Variants in CFAP54 observed in about 807,000 individuals in gnomAD.
The protein encoded by CFAP54 is cilia and flagella associated protein 54.
In CFAP54, 290 loss-of-function variants were observed where a neutral mutation model predicts 370.4. The observed-to-expected ratio is 0.78, with a 90% confidence interval of 0.71 to 0.86. The LOEUF (loss-of-function observed/expected upper bound fraction) is 0.86, where lower values mean the gene tolerates loss of function less well. Ranked by LOEUF, CFAP54 falls within the 40% of genes least tolerant of loss-of-function variation. The pLI, the probability that CFAP54 is intolerant of heterozygous loss-of-function variation, is 0.00. For missense variants in CFAP54, 3,399 were observed against 3,528.7 expected (o/e 0.96, Z 0.93); for synonymous variants, 1,206 against 1,236.5 (o/e 0.98, Z 0.52).
intron 66 of CFAP54, among the ~76,000 whole-genome samples, chr12:96,847,824 G>C (rs1167698631): frequency 6.6e-6 from 1 of 152,162 alleles, no homozygotes; most frequent in Non-Finnish European, 1.5e-5. Context: ...AGCAAGAACT[G>C]TCCTTTATTA....
intron 56 of CFAP54, 101 bp from the exon 57 acceptor site, chr12:96,756,357 A>G: frequency 3.0e-6 from 2 of 664,718 alleles, no homozygotes; most frequent in Non-Finnish European, 2.6e-6. Context: ...ACAAAAGGAC[A>G]GCACATCAAA....
intron 45 of CFAP54, among the ~76,000 whole-genome samples, chr12:96,698,379 T>G (rs1240097641): frequency 6.6e-6 from 1 of 152,124 alleles, no homozygotes; most frequent in East Asian, 1.9e-4. Context: ...GATAAGAAAA[T>G]TGTTCATTGT....
At chr12:96,533,250 G>A (rs1405677884) in intron 9 of CFAP54, among the ~76,000 whole-genome samples, 2 of 151,926 alleles carry the variant, frequency 1.3e-5, no homozygotes, top group Admixed American at 6.6e-5. Flanking sequence ...ATAGGTGCAC[G>A]CCAATAAGCC....
At chr12:96,660,615 C>T (rs1402172515) in intron 38 of CFAP54, among the ~76,000 whole-genome samples, 1 of 152,226 alleles carries the variant, frequency 6.6e-6, no homozygotes, top group Non-Finnish European at 1.5e-5. Flanking sequence ...TCCCACTATG[C>T]TCTTACATGA....
intron 43 of CFAP54, among the ~76,000 whole-genome samples, chr12:96,689,417 TC>T (rs1310870302): frequency 2.0e-5 from 3 of 152,204 alleles, no homozygotes; most frequent in African/African-American, 7.2e-5. Context: ...CGTCTTGGCC[TC>T]CCAAAGTGCT....
At chr12:96,672,554 C>A (rs555379317) in intron 39 of CFAP54, among the ~76,000 whole-genome samples, 1 of 152,100 alleles carries the variant, frequency 6.6e-6, no homozygotes, top group African/African-American at 2.4e-5. Flanking sequence ...GATTGGTGAC[C>A]GTGAATTTGT....
At chr12:96,592,871 A>G (rs943144489) in intron 24 of CFAP54, among the ~76,000 whole-genome samples, 7 of 152,132 alleles carry the variant, frequency 4.6e-5, no homozygotes, top group African/African-American at 1.7e-4. Flanking sequence ...AAAGTATTAT[A>G]TATTTCAGAC....
intron 58 of CFAP54, among the ~76,000 whole-genome samples, chr12:96,761,715 C>A (rs989217653): frequency 2.6e-5 from 4 of 152,106 alleles, no homozygotes; most frequent in Non-Finnish European, 5.9e-5. Flanking sequence ...CATGAATATG[C>A]AGTTGTCTCA....
At chr12:96,778,843 C>T (rs751133797) in intron 60 of CFAP54, among the ~76,000 whole-genome samples, 1 of 152,076 alleles carries the variant, frequency 6.6e-6, no homozygotes, top group East Asian at 1.9e-4. Flanking sequence ...CGTGATGGCT[C>T]ATGCCTATAA....
chr12:96,830,913 T>C (rs547706939), intron 66 of CFAP54, among the ~76,000 whole-genome samples: 1 of 152,250 alleles, frequency 6.6e-6, no homozygotes, highest in Admixed American at 6.5e-5. Flanking sequence ...TGACCTCAAG[T>C]GATCCACCTG....
chr12:96,675,776 A>G lies in CFAP54; in HGVS notation c.5564-3824A>G, dbSNP rs142199318. ...TGCAGCCATAAAAAATGATGAGTTC[A>G]TGTCCCTTGTAGGGACATGGATGAA... On this transcript the variant is annotated intron_variant, in intron 39 of 67. Coordinates refer to ENST00000524981, the MANE Select transcript of CFAP54 (RefSeq NM_001306084.2). Among the ~76,000 whole-genome samples, 528 of 152,280 alleles carry G rather than the reference A, an allele frequency of 3.5e-3. 5 individuals are homozygous for G. The highest frequency in any genetic ancestry group is 0.012 in the African/African-American group (491 of 41,552).
chr12:96,670,202 G>A (rs1037647562), intron 39 of CFAP54, among the ~76,000 whole-genome samples: 2 of 152,088 alleles, frequency 1.3e-5, no homozygotes, highest in African/African-American at 4.8e-5. Flanking sequence ...ATGGGCTATG[G>A]GCACAGCCTT....
intron 1 of CFAP54, among the ~76,000 whole-genome samples, chr12:96,496,345 G>C (rs1051800087): frequency 1.3e-5 from 2 of 152,164 alleles, no homozygotes; most frequent in African/African-American, 2.4e-5. Flanking sequence ...GCCAGCTCAG[G>C]CTGCCATAAC....
intron 49 of CFAP54, among the ~76,000 whole-genome samples, chr12:96,720,202 C>T (rs141865389): frequency 3.5e-4 from 54 of 152,314 alleles, no homozygotes; most frequent in African/African-American, 1.2e-3. Context: ...TGCATGCTGA[C>T]GCTTGCTTTC....
chr12:96,554,112 A>T, intron 15 of CFAP54, 70 bp from the exon 16 acceptor site: 1 of 1,015,950 alleles, frequency 9.8e-7, no homozygotes, highest in Non-Finnish European at 1.4e-6. Flanking sequence ...AATTATTGTC[A>T]AAAATTGGAA....
At chr12:96,727,730 T>C (rs1329274457) in intron 50 of CFAP54, among the ~76,000 whole-genome samples, 2 of 152,088 alleles carry the variant, frequency 1.3e-5, no homozygotes, top group Non-Finnish European at 2.9e-5. Flanking sequence ...TGATGTTAGC[T>C]GGTTATTTTG....
intron 17 of CFAP54, among the ~76,000 whole-genome samples, chr12:96,556,388 TTTC>T (rs1390595694): frequency 6.6e-6 from 1 of 150,638 alleles, no homozygotes; most frequent in African/African-American, 2.5e-5. Flanking sequence ...GCAATTTATA[TTTC>T]TTTTCTTTTT....
intron 50 of CFAP54, among the ~76,000 whole-genome samples, chr12:96,732,794 A>G (rs1448063443): frequency 6.6e-6 from 1 of 152,170 alleles, no homozygotes; most frequent in African/African-American, 2.4e-5. Context: ...GTATAATAAC[A>G]TACCATTTCC....
intron 16 of CFAP54, 59 bp from the exon 17 acceptor site, chr12:96,554,616 GC>G: frequency 7.1e-7 from 1 of 1,407,246 alleles, no homozygotes; most frequent in Non-Finnish European, 9.5e-7. Context: ...ATAGTATACA[GC>G]TATTTTTGTG....
Sources: gnomAD v4.1 joint callset for allele counts (sites outside exome capture counted in the v4.1 genomes callset) on GRCh38, gnomAD v4.1.1 for gene constraint, MANE v1.5 for transcripts, NCBI Gene and HGNC (gene_info 2026-07-23, HGNC 2026-07-21) for gene names.